DCC: variants seen among roughly 807,000 people sequenced by gnomAD.
DCC encodes the protein netrin receptor DCC.
DCC carries 58 observed loss-of-function variants against 172.5 expected under a neutral mutation model. The ratio of observed to expected loss-of-function variants is 0.34; its 90% CI spans 0.27 to 0.42. The LOEUF (loss-of-function observed/expected upper bound fraction) is 0.42. DCC is among the 10% of genes least tolerant of loss of function. The pLI is 1.00. For missense variants in DCC, 1,740 were observed against 1,791.0 expected (o/e 0.97, Z 0.51); for synonymous variants, 709 against 644.5 (o/e 1.10, Z -1.52).
At chr18:52,923,231 A>C (rs1352905950) in intron 3 of DCC, among the ~76,000 whole-genome samples, 2 of 152,198 alleles carry the variant, frequency 1.3e-5, no homozygotes, top group Non-Finnish European at 2.9e-5. Context: ...TCTACTCTTC[A>C]GTACCTGTAC....
At chr18:53,353,486 C>T (rs1299476739) in intron 15 of DCC, among the ~76,000 whole-genome samples, 2 of 151,938 alleles carry the variant, frequency 1.3e-5, no homozygotes, top group Non-Finnish European at 2.9e-5. Context: ...AATTTTGGTG[C>T]TCTTCAGTCC....
intron 1 of DCC, among the ~76,000 whole-genome samples, chr18:52,430,490 G>T (rs944546439): frequency 3.9e-5 from 6 of 152,174 alleles, no homozygotes; most frequent in Admixed American, 6.6e-5. Flanking sequence ...AGTAGCAGAT[G>T]ATTCTGTTTG....
chr18:53,173,244 C>A (rs1212009717), intron 8 of DCC, among the ~76,000 whole-genome samples: 1 of 152,140 alleles, frequency 6.6e-6, no homozygotes, highest in Non-Finnish European at 1.5e-5. Flanking sequence ...ACTATTGAAT[C>A]TCATCCAGAC....
At chr18:52,700,323 C>A (rs919365785) in intron 1 of DCC, among the ~76,000 whole-genome samples, 1 of 149,592 alleles carries the variant, frequency 6.7e-6, no homozygotes, top group Admixed American at 6.7e-5. Flanking sequence ...CATGCACACT[C>A]ACGGAATGCA....
At chr18:52,713,052 T>C (rs1461880274) in intron 1 of DCC, among the ~76,000 whole-genome samples, 2 of 151,686 alleles carry the variant, frequency 1.3e-5, no homozygotes, top group African/African-American at 4.8e-5. Flanking sequence ...AGAGGCCATT[T>C]GGGATACAAA....
intron 14 of DCC, among the ~76,000 whole-genome samples, chr18:53,333,926 T>A (rs1346370172): frequency 1.3e-5 from 2 of 152,210 alleles, no homozygotes; most frequent in East Asian, 3.9e-4. Flanking sequence ...GTTTGACTAA[T>A]AGGCATCTCA....
rs577803174 is a variant in DCC at position 52,440,570 on chromosome 18, C to G, written c.91+99692C>G. Among the ~76,000 whole-genome samples the G allele has an allele frequency of 2.6e-5, 4 of 152,306 alleles. No homozygotes were observed. The East Asian group carries it at 7.7e-4, about 29-fold the overall frequency. On this transcript the variant is annotated intron_variant, in intron 1 of 28. Coordinates refer to ENST00000442544, the MANE Select transcript of DCC (RefSeq NM_005215.4). The stretch of plus-strand genomic sequence containing the variant: ...AAAGGGAGTGATATTGCATAGTAAA[C>G]AGTAAATGCCTCACACAATGGGAAC...
intron 9 of DCC, among the ~76,000 whole-genome samples, chr18:53,190,322 G>A (rs768481196): frequency 2.6e-5 from 4 of 152,144 alleles, no homozygotes; most frequent in Admixed American, 1.3e-4. Flanking sequence ...ACTTTGACCT[G>A]TAAAATATCC....
chr18:53,254,059 TA>T lies in DCC; in HGVS notation c.1911+38466del, dbSNP rs769666524. On this transcript the variant is annotated intron_variant, in intron 12 of 28. Coordinates refer to ENST00000442544, the MANE Select transcript of DCC (RefSeq NM_005215.4). The stretch of plus-strand genomic sequence containing the variant: ...GAAGTCAAAAACATCAGGAGAGTTG[TA>T]AAAGCTAATGAGCCAAGGGATGTTT... 4.6e-5 allele frequency among the ~76,000 whole-genome samples: 7 copies of T among 152,030 alleles called. No individual in the cohort carries two copies. In the East Asian group the frequency reaches 7.7e-4, roughly 17 times the overall value.
intron 1 of DCC, among the ~76,000 whole-genome samples, chr18:52,376,393 GGTTA>G (rs1985347578): frequency 6.6e-6 from 1 of 152,072 alleles, no homozygotes; most frequent in Non-Finnish European, 1.5e-5. Flanking sequence ...AGGAGGGAGG[GGTTA>G]GTTAATTTGT....
intron 1 of DCC, among the ~76,000 whole-genome samples, chr18:52,653,740 C>A (rs573376789): frequency 6.6e-6 from 1 of 152,138 alleles, no homozygotes; most frequent in East Asian, 1.9e-4. Context: ...GCCAGTTGTT[C>A]CAGGTCCTTC....
intron 14 of DCC, among the ~76,000 whole-genome samples, chr18:53,325,585 T>C (rs1048792485): frequency 5.3e-5 from 8 of 152,224 alleles, no homozygotes; most frequent in Admixed American, 2.6e-4. Flanking sequence ...CAATGCAGTC[T>C]AACTGTAATC....
chr18:52,979,059 CT>C, intron 5 of DCC, among the ~76,000 whole-genome samples: 1 of 151,942 alleles, frequency 6.6e-6, no homozygotes, highest in Non-Finnish European at 1.5e-5. Context: ...TGGAAATGTG[CT>C]TTTTTAAAAA....
At chr18:53,133,967 T>G (rs1025767616) in intron 7 of DCC, among the ~76,000 whole-genome samples, 1 of 152,122 alleles carries the variant, frequency 6.6e-6, no homozygotes, top group African/African-American at 2.4e-5. Context: ...ACCATGAATT[T>G]TATTGGAGAG....
At chr18:53,324,062 A>G (rs1000037343) in intron 14 of DCC, among the ~76,000 whole-genome samples, 21 of 152,216 alleles carry the variant, frequency 1.4e-4, no homozygotes, top group African/African-American at 5.1e-4. Flanking sequence ...TGAATTAATT[A>G]GAATTGCATT....
chr18:52,866,143 A>G (rs2039225462), intron 2 of DCC, among the ~76,000 whole-genome samples: 1 of 152,216 alleles, frequency 6.6e-6, no homozygotes, highest in South Asian at 2.1e-4. Flanking sequence ...TATTTATTAA[A>G]TAAGGAATCC....
At chr18:53,446,124 A>AAAAAAAACC (rs369426007) in intron 22 of DCC, among the ~76,000 whole-genome samples, 5 of 117,174 alleles carry the variant, frequency 4.3e-5, no homozygotes, top group Non-Finnish European at 7.4e-5. Flanking sequence ...ACAAAAAAAA[A>AAAAAAAACC]CACTTAAAAA....
At chr18:52,448,989 G>T (rs543879287) in intron 1 of DCC, among the ~76,000 whole-genome samples, 86 of 152,308 alleles carry the variant, frequency 5.6e-4, no homozygotes, top group African/African-American at 2.0e-3. Flanking sequence ...ACCCAAGATT[G>T]GGCAATTTAC....
chr18:52,897,747 G>A (rs918049442), intron 2 of DCC, among the ~76,000 whole-genome samples: 1 of 152,140 alleles, frequency 6.6e-6, no homozygotes, highest in Non-Finnish European at 1.5e-5. Context: ...TACCAGACAT[G>A]CTTACCAGGA....
Sources: allele counts gnomAD v4.1 joint callset (sites outside exome capture counted in the v4.1 genomes callset), GRCh38; gene constraint gnomAD v4.1.1; transcripts MANE v1.5; gene names NCBI Gene and HGNC (gene_info 2026-07-23, HGNC 2026-07-21).